Variants in AUTS2 observed in about 807,000 individuals in gnomAD.
AUTS2 encodes activator of transcription and developmental regulator AUTS2.
A neutral mutation model predicts 112.4 loss-of-function variants in AUTS2; 17 were observed. The ratio of observed to expected loss-of-function variants is 0.15; its 90% CI spans 0.10 to 0.23. The LOEUF (loss-of-function observed/expected upper bound fraction) is 0.23. Ranked by LOEUF, AUTS2 falls within the 10% of genes least tolerant of loss-of-function variation. The pLI is 1.00. For synonymous variants in AUTS2, 751 were observed against 702.7 expected (o/e 1.07, Z -1.09); for missense variants, 1,510 against 1,701.6 (o/e 0.89, Z 1.98).
intron 2 of AUTS2, among the ~76,000 whole-genome samples, chr7:69,965,357 T>C (rs906038856): frequency 6.6e-6 from 1 of 152,198 alleles, no homozygotes; most frequent in African/African-American, 2.4e-5. Context: ...GCATCAACTG[T>C]GTCTATGCAT....
At chr7:69,953,167 T>C (rs1314610833) in intron 2 of AUTS2, among the ~76,000 whole-genome samples, 1 of 152,154 alleles carries the variant, frequency 6.6e-6, no homozygotes. Context: ...AGGATGGCAC[T>C]TAGTGTTGGA....
chr7:70,017,425 C>T (rs1398066616), intron 2 of AUTS2, among the ~76,000 whole-genome samples: 3 of 152,194 alleles, frequency 2.0e-5, no homozygotes, highest in African/African-American at 7.2e-5. Context: ...AATCACAGTC[C>T]TTAATCACTG....
At chr7:69,832,519 C>A (rs1791549742) in intron 1 of AUTS2, among the ~76,000 whole-genome samples, 2 of 152,196 alleles carry the variant, frequency 1.3e-5, no homozygotes, top group Admixed American at 1.3e-4. Context: ...TCCCCTGCTT[C>A]TCTCTCCCAT....
At chr7:70,011,560 A>G (rs1799808663) in intron 2 of AUTS2, among the ~76,000 whole-genome samples, 1 of 152,232 alleles carries the variant, frequency 6.6e-6, no homozygotes, top group Non-Finnish European at 1.5e-5. Context: ...AACCAATTGT[A>G]TAATTAAGTT....
At chr7:69,693,608 G>T (rs555462766) in intron 1 of AUTS2, among the ~76,000 whole-genome samples, 39 of 152,236 alleles carry the variant, frequency 2.6e-4, no homozygotes, top group African/African-American at 9.4e-4. Flanking sequence ...GCTGGGATTT[G>T]TGTTTCATAG....
chr7:70,208,781 C>G (rs561621095), intron 4 of AUTS2, among the ~76,000 whole-genome samples: 1 of 151,236 alleles, frequency 6.6e-6, no homozygotes. Flanking sequence ...TGCAAGTGTT[C>G]CAAGCAGAAG....
chr7:70,626,627 C>T (rs74486944), intron 5 of AUTS2, among the ~76,000 whole-genome samples: 1,622 of 152,132 alleles, frequency 0.011, 30 homozygotes, highest in African/African-American at 0.037. Context: ...AGGTACTGAG[C>T]GCAGTACCCA....
chr7:69,971,282 G>A (rs1270854674), intron 2 of AUTS2, among the ~76,000 whole-genome samples: 2 of 152,164 alleles, frequency 1.3e-5, no homozygotes, highest in Non-Finnish European at 2.9e-5. Flanking sequence ...TTTACTGGTA[G>A]TATATGACCT....
chr7:70,362,768 A>T (rs1792332653), intron 4 of AUTS2, among the ~76,000 whole-genome samples: 1 of 152,150 alleles, frequency 6.6e-6, no homozygotes, highest in Non-Finnish European at 1.5e-5. Context: ...TGCTTCATAT[A>T]GTTCCTTGTT....
chr7:70,408,746 G>T (rs1297128548), intron 4 of AUTS2, among the ~76,000 whole-genome samples: 2 of 152,170 alleles, frequency 1.3e-5, no homozygotes, highest in Non-Finnish European at 2.9e-5. Context: ...AAGTAGTTAG[G>T]AGCTGTGTAC....
At chr7:69,654,011 A>T (rs1371451188) in intron 1 of AUTS2, among the ~76,000 whole-genome samples, 1 of 152,138 alleles carries the variant, frequency 6.6e-6, no homozygotes, top group Non-Finnish European at 1.5e-5. Flanking sequence ...GAAATTTATA[A>T]AACTTCTGTA....
chr7:69,942,678 T>C (rs1182675443), intron 2 of AUTS2, among the ~76,000 whole-genome samples: 1 of 152,222 alleles, frequency 6.6e-6, no homozygotes, highest in Non-Finnish European at 1.5e-5. Context: ...TGGAGTAAGC[T>C]GCATTGTGGT....
At chr7:69,643,151 T>C (rs1258145109) in intron 1 of AUTS2, among the ~76,000 whole-genome samples, 1 of 152,230 alleles carries the variant, frequency 6.6e-6, no homozygotes, top group Admixed American at 6.5e-5. Context: ...CCACATATCC[T>C]TGTAATGTGT....
chr7:70,054,309 T>G (rs1233231871), intron 2 of AUTS2, among the ~76,000 whole-genome samples: 1 of 152,208 alleles, frequency 6.6e-6, no homozygotes, highest in East Asian at 1.9e-4. Context: ...ACTTGTCCCC[T>G]TCTATCTTCT....
At chr7:69,649,922 T>C (rs941742438) in intron 1 of AUTS2, among the ~76,000 whole-genome samples, 3 of 152,186 alleles carry the variant, frequency 2.0e-5, no homozygotes, top group Admixed American at 6.5e-5. Context: ...CTAAGAAATA[T>C]ACCATGAAGT....
intron 4 of AUTS2, among the ~76,000 whole-genome samples, chr7:70,313,094 C>A (rs1341448370): frequency 6.6e-6 from 1 of 152,162 alleles, no homozygotes; most frequent in Non-Finnish European, 1.5e-5. Flanking sequence ...CAGAGCAACA[C>A]ATTTAGGCTC....
At chr7:69,631,481 TG>T (rs1794243223) in intron 1 of AUTS2, among the ~76,000 whole-genome samples, 2 of 152,212 alleles carry the variant, frequency 1.3e-5, no homozygotes, top group African/African-American at 4.8e-5. Context: ...TCACATTTAA[TG>T]TTAAAGAGCT....
At chr7:69,676,307 G>A (rs1365453048) in intron 1 of AUTS2, among the ~76,000 whole-genome samples, 1 of 152,204 alleles carries the variant, frequency 6.6e-6, no homozygotes, top group East Asian at 1.9e-4. Context: ...ATCTAAACCT[G>A]TATCCTGGGA....
At chr7:70,325,479 G>A (rs1790445017) in intron 4 of AUTS2, among the ~76,000 whole-genome samples, 1 of 152,172 alleles carries the variant, frequency 6.6e-6, no homozygotes. Context: ...CTTCACTCCT[G>A]TCCAGTGTGT....
Sources: gnomAD v4.1 joint callset for allele counts (sites outside exome capture counted in the v4.1 genomes callset) on GRCh38, gnomAD v4.1.1 for gene constraint, MANE v1.5 for transcripts, NCBI Gene and HGNC (gene_info 2026-07-23, HGNC 2026-07-21) for gene names.